Variants in LLGL2 observed in about 807,000 individuals in gnomAD.
LLGL2 encodes the protein LLGL2, scribble cell polarity complex component.
In LLGL2, 81 loss-of-function variants were observed where a neutral mutation model predicts 123.2. The ratio of observed to expected loss-of-function variants is 0.66; its 90% confidence interval spans 0.55 to 0.79. The LOEUF (loss-of-function observed/expected upper bound fraction) is 0.79. Among genes scored for constraint, LLGL2 ranks in the 30% least tolerant of loss-of-function variants. LLGL2 has a pLI of 0.00. For missense variants in LLGL2, 1,273 were observed against 1,414.6 expected, an observed-to-expected ratio of 0.90 and a Z score of 1.61; for synonymous variants, 577 against 594.1, an observed-to-expected ratio of 0.97 and a Z score of 0.42.
intron 22 of LLGL2, 73 bp from the exon 23 acceptor site, chr17:75,574,140 C>T (rs1439770520): frequency 1.3e-6 from 2 of 1,527,576 alleles, no homozygotes; most frequent in Non-Finnish European, 1.8e-6. Flanking sequence ...ACATCCTGAC[C>T]TCAGTAAGGA....
At chr17:75,534,608 G>C (rs1225524387) in intron 1 of LLGL2, among the ~76,000 whole-genome samples, 1 of 152,154 alleles carries the variant, frequency 6.6e-6, no homozygotes, top group Non-Finnish European at 1.5e-5. Flanking sequence ...AGCCTCCTGA[G>C]TAGCTGGGAC....
At position 75,568,658 on chromosome 17, in the gene LLGL2, G is replaced by A. The variant is rs201240037; in HGVS notation, c.1219G>A (p.Ala407Thr). The A allele has an allele frequency of 4.6e-5, 74 of 1,613,618 alleles. No individual in the cohort carries two copies. The highest frequency in any genetic ancestry group is 5.8e-5 in the Non-Finnish European group (68 of 1,180,036). ...PLKLWERIIAAGSRQNAHFST... is the reference protein window; with the variant it reads ...PLKLWERIIATGSRQNAHFST... ...GAAGCTGTGGGAGCGGATCATTGCC[G>A]CCGGCAGCCGGCAGAACGCACACTT... The change falls in exon 11 of 26, where the codon GCC becomes ACC. Residue 407 changes from alanine to threonine, a missense_variant. Ala to Thr is a moderately conservative substitution (Grantham distance 58). Coordinates refer to ENST00000392550, the MANE Select transcript of LLGL2 (RefSeq NM_001031803.2).
chr17:75,566,165 G>A (rs1415141299), intron 10 of LLGL2, among the ~76,000 whole-genome samples: 1 of 152,212 alleles, frequency 6.6e-6, no homozygotes, highest in Non-Finnish European at 1.5e-5. Context: ...AGGTAGGGGC[G>A]AAGAGAGGGC....
chr17:75,563,163 C>T lies in LLGL2; in HGVS notation c.678C>T (p.His226=), dbSNP rs1568059961. The part of the protein sequence containing the change: ...WDLQGSRVLY[H]FLSSQQLENI... ...TACAGGGCAGCCGCGTGCTCTACCA[C>T]TTCCTCAGCAGCCAGGTAGGCAGTG... Residue 226 remains histidine, a synonymous_variant, in exon 7 of 26, where the codon CAC becomes CAT. Coordinates refer to ENST00000392550, the MANE Select transcript of LLGL2 (RefSeq NM_001031803.2). 5 of 1,613,142 alleles carry T rather than the reference C, an allele frequency of 3.1e-6. No homozygotes were observed. Among genetic ancestry groups the T allele is most frequent in the Non-Finnish European group, 3.4e-6 (4 of 1,180,024 alleles).
intron 1 of LLGL2, among the ~76,000 whole-genome samples, chr17:75,527,047 T>C (rs949384343): frequency 1.3e-5 from 2 of 149,820 alleles, no homozygotes; most frequent in African/African-American, 5.1e-5. Flanking sequence ...CGTGCACCTG[T>C]AGTCCCAGCT....
Position 75,526,365 on chromosome 17 carries a change from C to A in LLGL2, c.-31+540C>A, listed in dbSNP as rs554655727. Among the ~76,000 whole-genome samples the A allele has an allele frequency of 2.0e-5, 3 of 152,366 alleles. No homozygotes were observed. In the South Asian group the frequency reaches 6.2e-4, roughly 32 times the overall value. ...GGGACTTCGGTCTCCGGCCTTTCTC[C>A]AGCTGGGGCGGCTTTGGACACCTTC... is the stretch of plus-strand genomic sequence containing the variant. On this transcript the variant is annotated intron_variant, in intron 1 of 25. Transcript: ENST00000392550.
chr17:75,558,866 GCCTCCTCCATCCGCACCCCA>G lies in LLGL2; in HGVS notation c.371+252_371+271del, dbSNP rs2055053300. On this transcript the variant is annotated intron_variant, in intron 5 of 25. Coordinates refer to ENST00000392550, the MANE Select transcript of LLGL2 (RefSeq NM_001031803.2). The surrounding 1 kb of genome is among the most constrained non-coding windows in gnomAD (Gnocchi z 4.0). ...ACCCCACCTCCTCCATCCGCACCCC[GCCTCCTCCATCCGCACCCCA>G]CCTCCTCCATCCACACCACGCCTCC... The G allele has an allele frequency of 2.4e-5, 5 of 205,270 alleles. No individual in the cohort carries two copies. Among genetic ancestry groups the G allele is most frequent in the South Asian group, 7.0e-5 (1 of 14,200 alleles). The allele number at this position is 205,270 out of a possible 1,614,324, so 12.7% of individuals were successfully genotyped here.
At chr17:75,535,750 G>A (rs756790984) in intron 1 of LLGL2, among the ~76,000 whole-genome samples, 2 of 152,224 alleles carry the variant, frequency 1.3e-5, no homozygotes, top group Non-Finnish European at 2.9e-5. Context: ...TCTTTCTTGA[G>A]CTCTTGAGAT....
chr17:75,559,153 G>A lies in LLGL2; in HGVS notation c.372-99G>A. Reference sequence around the variant, plus strand: ...TTGAAATGTTATGACCTCATTAAAGGGCCTTATGGGCTTGTTTTCCGAGGA... The same window carrying A: ...TTGAAATGTTATGACCTCATTAAAGAGCCTTATGGGCTTGTTTTCCGAGGA... On this transcript the variant is annotated intron_variant, in intron 5 of 25. Coordinates refer to ENST00000392550, the MANE Select transcript of LLGL2 (RefSeq NM_001031803.2). This position sits in a 1 kb window ranked among gnomAD's most constrained non-coding sequence, Gnocchi z 4.6. 1 of 1,245,854 alleles carries A rather than the reference G, an allele frequency of 8.0e-7. No individual in the cohort carries two copies. The highest frequency in any genetic ancestry group is 1.1e-6 in the Non-Finnish European group (1 of 922,070). The allele number at this position is 1,245,854 out of a possible 1,614,324, so 77.2% of individuals were successfully genotyped here.
Position 75,570,029 on chromosome 17 carries a change from C to A in LLGL2, c.1648C>A (p.Leu550Met). Residue 550 changes from leucine to methionine, a missense_variant, in exon 15 of 26, where the codon CTG becomes ATG. Physicochemically the swap from Leu to Met is conservative, Grantham distance 15 (BLOSUM62 2). Transcript: ENST00000392550. ...TGTGGAGCAGGTGGAGGCCGACCTG[C>A]TGCAGGACCAAGAGGGCTACCGCTG... ...QAVEQVEADL[L>M]QDQEGYRWKG... The A allele has an allele frequency of 1.2e-6, 2 of 1,612,300 alleles. No homozygotes were observed. Among genetic ancestry groups the A allele is most frequent in the South Asian group, 2.2e-5 (2 of 90,988 alleles).
In LLGL2 at chr17:75,571,023, T is replaced by G; in HGVS notation, c.2099T>G (p.Ile700Ser). The G allele has an allele frequency of 6.2e-7, 1 of 1,613,018 alleles. No homozygotes were observed. The highest frequency in any genetic ancestry group is 8.5e-7 in the Non-Finnish European group (1 of 1,179,954). The change falls in exon 17 of 26, where the codon ATC becomes AGC. Residue 700 changes from isoleucine to serine, a missense_variant. Ile to Ser is a moderately radical substitution (Grantham distance 142). Coordinates refer to ENST00000392550, the MANE Select transcript of LLGL2 (RefSeq NM_001031803.2). Reference sequence around the variant, plus strand: ...GAGCTGGCGCCTGTGCAGCGCAAGATCGAGGCTCGCTCGGCAGAGGACTCC... The same window carrying G: ...GAGCTGGCGCCTGTGCAGCGCAAGAGCGAGGCTCGCTCGGCAGAGGACTCC... ...NMELAPVQRKIEARSAEDSFT... is the reference protein window; with the variant it reads ...NMELAPVQRKSEARSAEDSFT...
intron 2 of LLGL2, among the ~76,000 whole-genome samples, chr17:75,548,755 C>CA (rs35218854): frequency 2.9e-3 from 383 of 132,072 alleles, no homozygotes; most frequent in Middle Eastern, 8.7e-3. Flanking sequence ...GATTCTGTCT[C>CA]AAAAAAAAAA....
At chr17:75,531,586 GTC>G (rs1403968239) in intron 1 of LLGL2, among the ~76,000 whole-genome samples, 2 of 152,238 alleles carry the variant, frequency 1.3e-5, no homozygotes, top group Non-Finnish European at 2.9e-5. Context: ...GGCACGCCAG[GTC>G]TGCTTGGCAA....
Position 75,573,334 on chromosome 17 carries a change from G to T in LLGL2, c.2725+56G>T. ...GCCCCGGGCACTGCACGGACGGGAAGGGTGGCCAGGGGTGTTGTGGCCACG... is the reference window on the plus strand; with the variant it reads ...GCCCCGGGCACTGCACGGACGGGAATGGTGGCCAGGGGTGTTGTGGCCACG... On this transcript the variant is annotated intron_variant, in intron 20 of 25. Transcript: ENST00000392550. 6 of 1,560,626 alleles carry T rather than the reference G, an allele frequency of 3.8e-6. 1 individual carries two copies.
At chr17:75,531,215 C>A (rs1017534712) in intron 1 of LLGL2, among the ~76,000 whole-genome samples, 8 of 152,262 alleles carry the variant, frequency 5.3e-5, no homozygotes, top group East Asian at 1.9e-4. Flanking sequence ...GACTTCCTGG[C>A]CCCGGGACCC....
intron 1 of LLGL2, among the ~76,000 whole-genome samples, chr17:75,533,238 A>T (rs1447364569): frequency 6.9e-6 from 1 of 144,872 alleles, no homozygotes; most frequent in East Asian, 2.2e-4. Flanking sequence ...TGACCTCGTG[A>T]TCTGCCCGCC....
At chr17:75,545,843 C>T (rs1451334978) in intron 2 of LLGL2, among the ~76,000 whole-genome samples, 2 of 152,124 alleles carry the variant, frequency 1.3e-5, no homozygotes, top group East Asian at 1.9e-4. Flanking sequence ...GGGATGGGAA[C>T]GAGGCATGAA....
intron 1 of LLGL2, among the ~76,000 whole-genome samples, chr17:75,537,523 C>T (rs1467921691): frequency 2.6e-5 from 4 of 152,080 alleles, no homozygotes; most frequent in Non-Finnish European, 5.9e-5. Flanking sequence ...GTGAAAACCA[C>T]AGCTCTACTA....
chr17:75,562,752 T>G lies in LLGL2; in HGVS notation c.531-264T>G, dbSNP rs1260025120. Reference sequence around the variant, plus strand: ...CCCAGCTAATGTTTTATATTTTTAGTAGAGACAGGGTTTTGCCATGTTGGC... The same window carrying G: ...CCCAGCTAATGTTTTATATTTTTAGGAGAGACAGGGTTTTGCCATGTTGGC... On this transcript the variant is annotated intron_variant, in intron 6 of 25. Transcript: ENST00000392550. 6 of 495,248 alleles carry G rather than the reference T, an allele frequency of 1.2e-5. No homozygotes were observed. In the East Asian group the frequency reaches 2.1e-4, roughly 18 times the overall value. 30.7% of individuals were successfully genotyped at this position (495,248 alleles called of 1,614,324 possible).
Sources: gnomAD v4.1 joint callset for allele counts (sites outside exome capture counted in the v4.1 genomes callset) on GRCh38, gnomAD v4.1.1 for gene constraint, Gnocchi (gnomAD v3.1) non-coding constraint, MANE v1.5 for transcripts, NCBI Gene and HGNC (gene_info 2026-07-23, HGNC 2026-07-21) for gene names.